The following EBF1 variants were observed in gnomAD, a reference collection of about 807,000 sequenced individuals.
EBF1 encodes the protein transcription factor COE1.
In EBF1, 10 loss-of-function variants were observed where a neutral mutation model predicts 68.4. The observed-to-expected ratio is 0.15, with a 90% CI of 0.09 to 0.25. The LOEUF (loss-of-function observed/expected upper bound fraction) is 0.25, where lower values mean the gene tolerates loss of function less well. Among genes scored for constraint, EBF1 ranks in the 10% least tolerant of loss-of-function variants. EBF1 has a pLI of 1.00. For synonymous variants in EBF1, 298 were observed against 299.8 expected (o/e 0.99, Z 0.06); for missense variants, 509 against 794.4 (o/e 0.64, Z 4.32).
chr5:158,929,671 TTTAA>T (rs763877975), intron 6 of EBF1, among the ~76,000 whole-genome samples: 1 of 152,200 alleles, frequency 6.6e-6, no homozygotes, highest in Non-Finnish European at 1.5e-5. Flanking sequence ...AAGCTGAGGC[TTTAA>T]TTATCACCAA....
At chr5:158,728,910 C>T (rs1763522629) in intron 11 of EBF1, among the ~76,000 whole-genome samples, 1 of 152,182 alleles carries the variant, frequency 6.6e-6, no homozygotes, top group Admixed American at 6.5e-5. Context: ...GCCAAGGGCA[C>T]CCATGAGATG....
chr5:158,956,459 A>T (rs1417776263), intron 6 of EBF1, among the ~76,000 whole-genome samples: 1 of 151,814 alleles, frequency 6.6e-6, no homozygotes, highest in South Asian at 2.1e-4. Flanking sequence ...GCACGCACAC[A>T]TAGACACACA....
intron 6 of EBF1, among the ~76,000 whole-genome samples, chr5:158,893,949 A>C (rs1189173904): frequency 6.6e-6 from 1 of 152,174 alleles, no homozygotes; most frequent in Non-Finnish European, 1.5e-5. Flanking sequence ...TCTTACAAAG[A>C]TTTGGTGTTC....
chr5:158,981,550 G>T (rs1012409399), intron 6 of EBF1, among the ~76,000 whole-genome samples: 2 of 152,086 alleles, frequency 1.3e-5, no homozygotes, highest in African/African-American at 2.4e-5. Context: ...ATTATCCCAT[G>T]AAGTAATATT....
intron 5 of EBF1, among the ~76,000 whole-genome samples, chr5:159,077,745 C>CTTTTTTT (rs58717165): frequency 8.7e-5 from 7 of 80,618 alleles, no homozygotes; most frequent in African/African-American, 1.5e-4. Context: ...CAGTGGTTTG[C>CTTTTTTT]TTTTTTTTTT....
rs530262672 is a variant in EBF1 at position 158,884,311 on chromosome 5, ACT to A, written c.555-44203_555-44202del. Reference sequence around the variant, plus strand: ...TCAGAGAGATCTCGGTTTATTCCTGACTCTAACAAGTACTTGATTATACCCTC... The same window carrying A: ...TCAGAGAGATCTCGGTTTATTCCTGACTAACAAGTACTTGATTATACCCTC... On this transcript the variant is annotated intron_variant, in intron 6 of 15. Transcript: ENST00000313708. Among the ~76,000 whole-genome samples the A allele has an allele frequency of 9.1e-3, 1,393 of 152,304 alleles. 9 individuals are homozygous for A. The highest frequency in any genetic ancestry group is 0.014 in the Non-Finnish European group (957 of 68,032).
rs1562162776 is a variant in EBF1, at chr5:158,866,857, A to ATGTATATG, written c.555-26748_555-26747insCATATACA. Among the ~76,000 whole-genome samples, 4 of 19,636 alleles carry ATGTATATG rather than the reference A, an allele frequency of 2.0e-4. 1 individual carries two copies. Among genetic ancestry groups the ATGTATATG allele is most frequent in the Admixed American group, 7.8e-4 (2 of 2,566 alleles). The allele number at this position is 19,636 out of a possible 152,430, so 12.9% of individuals were successfully genotyped here. On this transcript the variant is annotated intron_variant, in intron 6 of 15. Transcript: ENST00000313708. ...TGTATATATATATATATATATATATATATATATATATATATATATATATAT... is the reference window on the plus strand; with the variant it reads ...TGTATATATATATATATATATATATATGTATATGTATATATATATATATATATATATAT...
intron 6 of EBF1, among the ~76,000 whole-genome samples, chr5:159,036,319 G>C (rs867432411): frequency 4.6e-5 from 7 of 151,842 alleles, no homozygotes; most frequent in Admixed American, 6.6e-5. Context: ...AAGTTCATAT[G>C]GAACCAAAAA....
intron 6 of EBF1, among the ~76,000 whole-genome samples, chr5:159,030,948 G>T (rs983534400): frequency 6.6e-6 from 1 of 151,548 alleles, no homozygotes; most frequent in African/African-American, 2.4e-5. Context: ...CGAGGCAGGC[G>T]GATTACCTGA....
At position 158,759,640 on chromosome 5, in the gene EBF1, T is replaced by C. The variant is rs552386103; in HGVS notation, c.1036+17773A>G. On this transcript the variant is annotated intron_variant, in intron 10 of 15. Transcript: ENST00000313708. ...TACAGTGCTATCCATTTGTATACTG[T>C]ACAAATTCTAAGGTACACATGGCTG... 5.3e-4 allele frequency among the ~76,000 whole-genome samples: 80 copies of C among 152,302 alleles called. 2 individuals are homozygous for C. The South Asian group carries it at 0.015, about 28-fold the overall frequency.
At position 158,829,760 on chromosome 5, in the gene EBF1, G is replaced by C. The variant is rs190362552; in HGVS notation, c.637-6443C>G. On this transcript the variant is annotated intron_variant, in intron 7 of 15. Transcript: ENST00000313708. ...GAACTACTTTGCAGACTCGTCAAATGTTAGAGTCACAAGAGACTCCAGAGA... is the reference window on the plus strand; with the variant it reads ...GAACTACTTTGCAGACTCGTCAAATCTTAGAGTCACAAGAGACTCCAGAGA... 2.5e-4 allele frequency among the ~76,000 whole-genome samples: 38 copies of C among 152,216 alleles called. No homozygotes were observed. The Middle Eastern group carries it at 0.01, about 41-fold the overall frequency.
At chr5:158,780,463 A>G (rs958908174) in intron 9 of EBF1, among the ~76,000 whole-genome samples, 25 of 152,190 alleles carry the variant, frequency 1.6e-4, no homozygotes, top group Non-Finnish European at 1.5e-5. Flanking sequence ...ATATCTATAT[A>G]CCACCTATAC....
intron 8 of EBF1, among the ~76,000 whole-genome samples, chr5:158,803,280 C>A (rs1780948220): frequency 6.6e-6 from 1 of 151,194 alleles, no homozygotes; most frequent in Non-Finnish European, 1.5e-5. Context: ...ATTGAGGGCA[C>A]AAAATATTCC....
At chr5:158,866,409 C>T (rs1795869516) in intron 6 of EBF1, among the ~76,000 whole-genome samples, 1 of 152,138 alleles carries the variant, frequency 6.6e-6, no homozygotes, top group Non-Finnish European at 1.5e-5. Flanking sequence ...TTGTCACAAC[C>T]CTTCCAGCCT....
intron 6 of EBF1, among the ~76,000 whole-genome samples, chr5:158,878,910 C>T (rs1291538032): frequency 6.6e-6 from 1 of 152,126 alleles, no homozygotes; most frequent in African/African-American, 2.4e-5. Context: ...TCCCAAAGTG[C>T]TTGCTGGGAG....
chr5:159,063,125 C>A (rs1438772488), intron 6 of EBF1, among the ~76,000 whole-genome samples: 1 of 152,118 alleles, frequency 6.6e-6, no homozygotes, highest in Admixed American at 6.5e-5. Context: ...AAAAACAAGC[C>A]CTAAGCATCT....
intron 6 of EBF1, among the ~76,000 whole-genome samples, chr5:159,046,857 T>G (rs749460229): frequency 1.3e-5 from 2 of 152,184 alleles, no homozygotes; most frequent in Non-Finnish European, 2.9e-5. Flanking sequence ...CCACTATGAA[T>G]GACTTCAAGC....
At chr5:158,948,551 C>T (rs1354195884) in intron 6 of EBF1, among the ~76,000 whole-genome samples, 1 of 152,154 alleles carries the variant, frequency 6.6e-6, no homozygotes, top group African/African-American at 2.4e-5. Flanking sequence ...AGGGGAGAGC[C>T]AAATTTGCAC....
intron 6 of EBF1, among the ~76,000 whole-genome samples, chr5:158,901,597 C>T (rs1007852253): frequency 4.6e-5 from 7 of 152,202 alleles, no homozygotes; most frequent in Non-Finnish European, 8.8e-5. Context: ...AGTCAACAAG[C>T]ATTTTCCATA....
Sources: allele counts gnomAD v4.1 joint callset (sites outside exome capture counted in the v4.1 genomes callset), GRCh38; gene constraint gnomAD v4.1.1; transcripts MANE v1.5; gene names NCBI Gene and HGNC (gene_info 2026-07-23, HGNC 2026-07-21).